The following LRRIQ1 variants were observed in gnomAD, a reference collection of about 807,000 sequenced individuals.
LRRIQ1 encodes the protein leucine rich repeats and IQ motif containing 1.
Under a neutral mutation model 211.9 loss-of-function variants are expected in LRRIQ1, and 210 were observed. That is an observed-to-expected ratio of 0.99 (90% confidence interval 0.89 to 1.11). The LOEUF (loss-of-function observed/expected upper bound fraction) is 1.11, where lower values mean the gene tolerates loss of function less well. Ranked by LOEUF, LRRIQ1 falls within the 50% of genes most tolerant of loss-of-function variation. LRRIQ1 has a pLI of 0.00. For synonymous variants in LRRIQ1, 699 were observed against 650.1 expected (o/e 1.08, Z -1.14); for missense variants, 2,136 against 1,939.5 (o/e 1.10, Z -1.90).
rs1242317036 is a variant in LRRIQ1, at chr12:85,130,134, A to C, written c.4209+2101A>C. ...TAATATTAAAGACATAGCTTTCAAGAGAAACACCTTTGCTGAGTTGCTAAT... is the reference window on the plus strand; with the variant it reads ...TAATATTAAAGACATAGCTTTCAAGCGAAACACCTTTGCTGAGTTGCTAAT... On this transcript the variant is annotated intron_variant, in intron 18 of 26. Transcript: ENST00000393217. 2.0e-5 allele frequency among the ~76,000 whole-genome samples: 3 copies of C among 152,182 alleles called. No individual in the cohort carries two copies. In the East Asian group the frequency reaches 5.8e-4, roughly 29 times the overall value.
chr12:85,120,549 G>T (rs1347689189), intron 15 of LRRIQ1, among the ~76,000 whole-genome samples: 1 of 152,110 alleles, frequency 6.6e-6, no homozygotes, highest in South Asian at 2.1e-4. Flanking sequence ...GAAACACTTT[G>T]TTGATATCCA....
Position 85,045,514 on chromosome 12 carries a change from C to T in LRRIQ1, c.337-506C>T, listed in dbSNP as rs112096891. Among the ~76,000 whole-genome samples the T allele has an allele frequency of 1.8e-3, 274 of 151,662 alleles. 2 individuals carry two copies. The highest frequency in any genetic ancestry group is 6.5e-3 in the African/African-American group (270 of 41,412). On this transcript the variant is annotated intron_variant, in intron 4 of 26. Transcript: ENST00000393217. ...ATTTTCAATTATTATACTGTTACTT[C>T]CTTGGAATAAATAGCCTGTATCTTT... is the stretch of plus-strand genomic sequence containing the variant.
chr12:85,061,488 A>T (rs1413863867), intron 8 of LRRIQ1, among the ~76,000 whole-genome samples: 1 of 151,808 alleles, frequency 6.6e-6, no homozygotes, highest in Non-Finnish European at 1.5e-5. Context: ...ATACTGTAGC[A>T]GTTACTTCTG....
chr12:85,046,188 A>T (rs373571099), intron 5 of LRRIQ1, 51 bp downstream of exon 5: 31 of 1,093,920 alleles, frequency 2.8e-5, no homozygotes, highest in Non-Finnish European at 6.8e-6. Context: ...ATGATTGATC[A>T]TAGTTATTTA....
chr12:85,049,306 A>G (rs915374480), intron 6 of LRRIQ1, among the ~76,000 whole-genome samples: 1 of 152,200 alleles, frequency 6.6e-6, no homozygotes, highest in African/African-American at 2.4e-5. Flanking sequence ...ATAACCACAT[A>G]ACATTTTTTT....
At chr12:85,256,157 G>A (rs1896083138) in intron 1 of LRRIQ1, among the ~76,000 whole-genome samples, 2 of 151,510 alleles carry the variant, frequency 1.3e-5, no homozygotes, top group South Asian at 4.1e-4. Flanking sequence ...TGACATTATC[G>A]AGAAAAAGAC....
At chr12:85,212,614 G>C (rs1392591497) in intron 24 of LRRIQ1, among the ~76,000 whole-genome samples, 19 of 151,328 alleles carry the variant, frequency 1.3e-4, no homozygotes, top group Admixed American at 1.3e-3. Flanking sequence ...GAAAAATGAA[G>C]CTAAATTGAG....
At chr12:85,234,662 G>A (rs935932587) in intron 26 of LRRIQ1, among the ~76,000 whole-genome samples, 1 of 151,844 alleles carries the variant, frequency 6.6e-6, no homozygotes, top group African/African-American at 2.4e-5. Context: ...TTACACAATC[G>A]GTACAAGGCT....
rs758558992 is a variant in LRRIQ1, at chr12:85,152,324, C to G, written c.4374C>G (p.Phe1458Leu). 12 of 1,611,370 alleles carry G rather than the reference C, an allele frequency of 7.4e-6. No individual in the cohort carries two copies. The highest frequency in any genetic ancestry group is 1.0e-5 in the Non-Finnish European group (12 of 1,178,420). Residue 1458 changes from phenylalanine to leucine, a missense_variant, in exon 20 of 27, where the codon TTC becomes TTG. Phe to Leu is a conservative substitution (Grantham distance 22). Transcript: ENST00000393217. ...GGCTAGCATTAGATTCCACCCGCTT[C>G]CCTTCACAAACACTGCTTCTTTCAA... ...EEWLALDSTR[F>L]PSQTLLLSNQ...
intron 19 of LRRIQ1, among the ~76,000 whole-genome samples, chr12:85,146,250 C>T (rs1475383490): frequency 1.3e-5 from 2 of 151,672 alleles, no homozygotes; most frequent in Non-Finnish European, 2.9e-5. Flanking sequence ...GTTGACTTAA[C>T]ACTTAAAAGT....
intron 26 of LRRIQ1, among the ~76,000 whole-genome samples, chr12:85,235,500 G>T (rs1344615844): frequency 1.3e-5 from 2 of 152,136 alleles, no homozygotes; most frequent in Admixed American, 6.6e-5. Context: ...GACCCTTTTG[G>T]GTTGTCCTAG....
downstream of LRRIQ1, among the ~76,000 whole-genome samples, chr12:85,267,817 T>C (rs1300651016): frequency 1.3e-5 from 2 of 151,960 alleles, no homozygotes; most frequent in African/African-American, 4.8e-5. Context: ...TAAAAGAACT[T>C]TTGTTTTTTT....
In LRRIQ1 at chr12:85,047,317, A is replaced by C; in HGVS notation, c.525A>C (p.Gln175His). 1 of 1,612,450 alleles carries C rather than the reference A, an allele frequency of 6.2e-7. No homozygotes were observed. Among genetic ancestry groups the C allele is most frequent in the Non-Finnish European group, 8.5e-7 (1 of 1,179,294 alleles). Residue 175 changes from glutamine to histidine, a missense_variant, in exon 6 of 27, where the codon CAA becomes CAC. Physicochemically the swap from Gln to His is conservative, Grantham distance 24. Coordinates refer to ENST00000393217, the MANE Select transcript of LRRIQ1 (RefSeq NM_001079910.2). ...GTAGACAGTCTTTTGAGGCTTGGCA[A>C]GAGAAACAGAAGGAATTAGAAGATA... is the stretch of plus-strand genomic sequence containing the variant. ...EKCRQSFEAWQEKQKELEDKE... is the reference protein window; with the variant it reads ...EKCRQSFEAWHEKQKELEDKE...
intron 26 of LRRIQ1, among the ~76,000 whole-genome samples, chr12:85,237,780 G>C (rs766328749): frequency 1.3e-5 from 2 of 152,046 alleles, no homozygotes; most frequent in Non-Finnish European, 2.9e-5. Flanking sequence ...TAAATCAACT[G>C]CCTGCTAGAA....
rs530660043 is a variant in LRRIQ1, at chr12:85,161,390, G to A, written c.4822+676G>A. 4.2e-4 allele frequency among the ~76,000 whole-genome samples: 64 copies of A among 151,750 alleles called. No homozygotes were observed. The Middle Eastern group carries it at 0.01, about 24-fold the overall frequency. On this transcript the variant is annotated intron_variant, in intron 24 of 26. Coordinates refer to ENST00000393217, the MANE Select transcript of LRRIQ1 (RefSeq NM_001079910.2). ...TTTTTAGTTTTTATACTAAAAAATT[G>A]TACTACTTTTTTAGTATAAAATTTT...
intron 24 of LRRIQ1, among the ~76,000 whole-genome samples, chr12:85,177,521 G>T (rs935396045): frequency 6.6e-6 from 1 of 152,008 alleles, no homozygotes; most frequent in African/African-American, 2.4e-5. Context: ...CCAGACTAAG[G>T]CATGGTCCTA....
At chr12:85,231,688 T>C (rs1894949526) in intron 25 of LRRIQ1, among the ~76,000 whole-genome samples, 1 of 152,082 alleles carries the variant, frequency 6.6e-6, no homozygotes, top group Non-Finnish European at 1.5e-5. Flanking sequence ...GTATACTGGC[T>C]TTTCAACAAC....
At chr12:85,184,218 A>C (rs545863876) in intron 24 of LRRIQ1, among the ~76,000 whole-genome samples, 11 of 152,176 alleles carry the variant, frequency 7.2e-5, no homozygotes, top group African/African-American at 2.6e-4. Flanking sequence ...AACTTGAAAT[A>C]TATTAACTTG....
intron 11 of LRRIQ1, among the ~76,000 whole-genome samples, chr12:85,091,070 C>T (rs1885346203): frequency 6.6e-6 from 1 of 152,084 alleles, no homozygotes; most frequent in South Asian, 2.1e-4. Context: ...TCTGCCCCCT[C>T]TCTCTCACTT....
Sources: gnomAD v4.1 joint callset for allele counts (sites outside exome capture counted in the v4.1 genomes callset) on GRCh38, gnomAD v4.1.1 for gene constraint, MANE v1.5 for transcripts, NCBI Gene and HGNC (gene_info 2026-07-23, HGNC 2026-07-21) for gene names.